The following RABGAP1L variants were observed in gnomAD, a reference collection of about 807,000 sequenced individuals.
RABGAP1L encodes the protein RAB GTPase activating protein 1 like.
A neutral mutation model predicts 137.7 loss-of-function variants in RABGAP1L; 63 were observed. The ratio of observed to expected loss-of-function variants is 0.46; its 90% CI spans 0.37 to 0.56. The LOEUF (loss-of-function observed/expected upper bound fraction) is 0.56. RABGAP1L is among the 20% of genes least tolerant of loss of function. RABGAP1L has a pLI of 0.00. For missense variants in RABGAP1L, 1,095 were observed against 1,244.0 expected, an observed-to-expected ratio of 0.88 and a Z score of 1.80; for synonymous variants, 431 against 433.7, an observed-to-expected ratio of 0.99 and a Z score of 0.08.
chr1:174,479,447 T>C (rs1164099696), intron 13 of RABGAP1L, among the ~76,000 whole-genome samples: 1 of 152,194 alleles, frequency 6.6e-6, no homozygotes, highest in African/African-American at 2.4e-5. Flanking sequence ...ATTTGCACTT[T>C]TGAAAACTCC....
intron 17 of RABGAP1L, among the ~76,000 whole-genome samples, chr1:174,709,438 C>T (rs953364347): frequency 1.3e-5 from 2 of 152,200 alleles, no homozygotes; most frequent in African/African-American, 4.8e-5. Flanking sequence ...TGGCTGGCAT[C>T]TGGCAGGTGC....
At chr1:174,850,519 G>A (rs1259871456) in intron 19 of RABGAP1L, among the ~76,000 whole-genome samples, 2 of 152,166 alleles carry the variant, frequency 1.3e-5, no homozygotes, top group African/African-American at 4.8e-5. Context: ...CCAAGTATGA[G>A]GAATTTAGAA....
intron 14 of RABGAP1L, among the ~76,000 whole-genome samples, chr1:174,669,581 T>C (rs1677035625): frequency 6.6e-6 from 1 of 152,218 alleles, no homozygotes; most frequent in Admixed American, 6.5e-5. Flanking sequence ...TTGAGCGTTT[T>C]CTCTTTATTT....
intron 13 of RABGAP1L, among the ~76,000 whole-genome samples, chr1:174,428,713 C>A (rs1260848725): frequency 1.3e-5 from 2 of 152,118 alleles, no homozygotes; most frequent in South Asian, 4.2e-4. Context: ...TCCTCAAAGA[C>A]CCTCTTTTCA....
At chr1:174,794,449 C>T (rs1688092528) in intron 18 of RABGAP1L, among the ~76,000 whole-genome samples, 2 of 152,288 alleles carry the variant, frequency 1.3e-5, no homozygotes. Flanking sequence ...TGAGCACCTA[C>T]CATGTGCTAG....
intron 19 of RABGAP1L, among the ~76,000 whole-genome samples, chr1:174,951,691 A>C (rs1296385941): frequency 6.6e-6 from 1 of 152,156 alleles, no homozygotes; most frequent in Non-Finnish European, 1.5e-5. Flanking sequence ...CACCTGGTTT[A>C]GAAAGGTTTG....
intron 14 of RABGAP1L, among the ~76,000 whole-genome samples, chr1:174,681,702 A>G (rs1346665398): frequency 6.6e-6 from 1 of 152,066 alleles, no homozygotes; most frequent in East Asian, 1.9e-4. Flanking sequence ...CCATACATCA[A>G]TAAAGTTTAT....
At chr1:174,969,434 C>T (rs979214858) in intron 21 of RABGAP1L, 47 bp downstream of exon 21, 22 of 1,401,868 alleles carry the variant, frequency 1.6e-5, no homozygotes, top group African/African-American at 2.9e-5. Flanking sequence ...GGGCAAAGAC[C>T]GATTTGCCCT....
At chr1:174,477,388 A>G (rs746228440) in intron 13 of RABGAP1L, among the ~76,000 whole-genome samples, 16 of 152,328 alleles carry the variant, frequency 1.1e-4, no homozygotes, top group Admixed American at 2.0e-4. Context: ...GTAATCATCA[A>G]TGTTTAACAT....
Position 174,231,196 on chromosome 1 carries a change from G to A in RABGAP1L, c.383G>A (p.Ser128Asn), listed in dbSNP as rs374978225. 1 of 1,613,866 alleles carries A rather than the reference G, an allele frequency of 6.2e-7. No homozygotes were observed. The highest frequency in any genetic ancestry group is 8.5e-7 in the Non-Finnish European group (1 of 1,179,862). The change falls in exon 4 of 26, where the codon AGT (serine) becomes AAT (asparagine). Residue 128 changes from serine to asparagine, a missense_variant. By Grantham distance (46) the Ser-to-Asn change is conservative. This residue lies in a region of RABGAP1L where 356 missense variants were observed against 326.3 expected (regional missense o/e 1.09). Coordinates refer to ENST00000681986, the MANE Select transcript of RABGAP1L (RefSeq NM_001366446.1). ...SSPGGLPEED[S>N]VLFNKLTYLG... ...CCAGGTGGACTACCTGAAGAAGATA[G>A]TGTTTTATTTAATAAACTGACCTAC...
intron 14 of RABGAP1L, among the ~76,000 whole-genome samples, chr1:174,643,259 T>G (rs865988311): frequency 6.6e-6 from 1 of 152,186 alleles, no homozygotes; most frequent in South Asian, 2.1e-4. Context: ...GGAGCAGTGC[T>G]TTTGAGGAAT....
intron 4 of RABGAP1L, among the ~76,000 whole-genome samples, chr1:174,234,348 A>G (rs1189729849): frequency 1.1e-4 from 14 of 131,844 alleles, no homozygotes; most frequent in East Asian, 6.1e-4. Flanking sequence ...GCCCACGCCT[A>G]TGTCCTGAAT....
At chr1:174,318,612 CTTTCTTTCTTTCTTTCTTTCTT>C (rs1423778950) in intron 11 of RABGAP1L, among the ~76,000 whole-genome samples, 12 of 145,056 alleles carry the variant, frequency 8.3e-5, no homozygotes, top group African/African-American at 2.6e-4. Context: ...TTCTTTCTTT[CTTTCTTTCTTTCTTTCTTTCTT>C]TTTCTTTCTT....
chr1:174,355,074 A>G (rs1278534693), intron 11 of RABGAP1L, among the ~76,000 whole-genome samples: 4 of 152,252 alleles, frequency 2.6e-5, no homozygotes, highest in Non-Finnish European at 5.9e-5. Context: ...AGGGATCTAG[A>G]ACTAGAAATA....
At chr1:174,720,196 G>T (rs894541573) in intron 17 of RABGAP1L, among the ~76,000 whole-genome samples, 14 of 152,062 alleles carry the variant, frequency 9.2e-5, no homozygotes, top group African/African-American at 2.9e-4. Flanking sequence ...AGGAATGAAT[G>T]GCCTTTTCAA....
intron 11 of RABGAP1L, 119 bp downstream of exon 11, chr1:174,305,246 T>A: frequency 9.6e-7 from 1 of 1,039,338 alleles, no homozygotes; most frequent in Non-Finnish European, 1.3e-6. Flanking sequence ...CTGTTACCAT[T>A]AGGCCAAATT....
chr1:174,672,120 G>A (rs1197134082), intron 14 of RABGAP1L, among the ~76,000 whole-genome samples: 2 of 151,906 alleles, frequency 1.3e-5, no homozygotes, highest in Non-Finnish European at 2.9e-5. Context: ...GCATATAATT[G>A]TTCATAATAA....
intron 17 of RABGAP1L, among the ~76,000 whole-genome samples, chr1:174,715,778 G>A (rs1476671827): frequency 2.0e-5 from 3 of 152,062 alleles, no homozygotes; most frequent in African/African-American, 7.2e-5. Context: ...ATCATTTTGG[G>A]TCTTTCAGTC....
At chr1:174,254,806 A>G (rs1052530008) in intron 7 of RABGAP1L, among the ~76,000 whole-genome samples, 1 of 152,216 alleles carries the variant, frequency 6.6e-6, no homozygotes, top group Non-Finnish European at 1.5e-5. Context: ...ATACGTGTAC[A>G]TGGGTCTTTA....
Sources: allele counts gnomAD v4.1 joint callset (sites outside exome capture counted in the v4.1 genomes callset), GRCh38; gene constraint gnomAD v4.1.1; regional missense constraint gnomAD v4.1.1; transcripts MANE v1.5; gene names NCBI Gene and HGNC (gene_info 2026-07-23, HGNC 2026-07-21).